PSMA1: variants seen among roughly 807,000 people sequenced by gnomAD.
PSMA1 encodes the protein proteasome 20S subunit alpha 1.
A neutral mutation model predicts 38.4 loss-of-function variants in PSMA1; 3 were observed. The observed-to-expected ratio is 0.08, with a 90% confidence interval of 0.04 to 0.20. The LOEUF (loss-of-function observed/expected upper bound fraction) is 0.20, where lower values mean the gene tolerates loss of function less well. Ranked by LOEUF, PSMA1 falls within the 10% of genes least tolerant of loss-of-function variation. The probability of loss-of-function intolerance (pLI) is 1.00; values close to 1 mark genes in which losing one functional copy is unlikely to be tolerated. For synonymous variants in PSMA1, 101 were observed against 107.1 expected (o/e 0.94, Z 0.35); for missense variants, 227 against 325.3 (o/e 0.70, Z 2.32).
intron 2 of PSMA1, among the ~76,000 whole-genome samples, chr11:14,606,083 T>C (rs1199504309): frequency 6.6e-6 from 1 of 152,262 alleles, no homozygotes; most frequent in African/African-American, 2.4e-5. Context: ...CTCAGTTTCA[T>C]TGCCCTGCAT....
At chr11:14,514,311 T>C (rs780674156) in intron 5 of PSMA1, 92 bp downstream of exon 5, 1 of 1,433,442 alleles carries the variant, frequency 7.0e-7, no homozygotes, top group Admixed American at 3.1e-5. Context: ...CAATCTTACC[T>C]ATGTCATATT....
At chr11:14,597,815 T>G (rs1429802643) in intron 2 of PSMA1, among the ~76,000 whole-genome samples, 9 of 152,286 alleles carry the variant, frequency 5.9e-5, no homozygotes, top group Non-Finnish European at 4.4e-5. Context: ...TGCTCTTGCT[T>G]CTCTAGTTCT....
intron 2 of PSMA1, among the ~76,000 whole-genome samples, chr11:14,599,361 A>C (rs909928844): frequency 3.3e-5 from 5 of 152,200 alleles, no homozygotes; most frequent in African/African-American, 7.2e-5. Context: ...TCTCCCCGTC[A>C]CTTTCAAGTA....
At chr11:14,586,212 A>G (rs1028430689) in intron 2 of PSMA1, among the ~76,000 whole-genome samples, 1 of 152,128 alleles carries the variant, frequency 6.6e-6, no homozygotes. Context: ...CTGGAGGACT[A>G]CTTGAGGCCA....
At chr11:14,511,471 A>G (rs747900671) in intron 7 of PSMA1, among the ~76,000 whole-genome samples, 6 of 152,096 alleles carry the variant, frequency 3.9e-5, no homozygotes, top group Non-Finnish European at 8.8e-5. Flanking sequence ...ACCATATACA[A>G]GTGAGATTTA....
chr11:14,540,392 G>A (rs1435176085), intron 2 of PSMA1, among the ~76,000 whole-genome samples: 2 of 152,120 alleles, frequency 1.3e-5, no homozygotes, highest in African/African-American at 2.4e-5. Flanking sequence ...GAAACATTAC[G>A]TCCTCAGGAG....
chr11:14,510,113 C>A (rs1304446671), intron 8 of PSMA1, among the ~76,000 whole-genome samples: 1 of 152,174 alleles, frequency 6.6e-6, no homozygotes, highest in Non-Finnish European at 1.5e-5. Context: ...TAACAGCCCA[C>A]CCAGAGTAAA....
intron 2 of PSMA1, among the ~76,000 whole-genome samples, chr11:14,583,108 G>T (rs1565050367): frequency 6.6e-6 from 1 of 152,192 alleles, no homozygotes; most frequent in Non-Finnish European, 1.5e-5. Flanking sequence ...GGCCCCAGGA[G>T]CCAAAAGCTG....
rs370977739 is a variant in PSMA1 at position 14,510,918 on chromosome 11, C to T, written c.578G>A (p.Arg193His). 20 of 1,607,346 alleles carry T rather than the reference C, an allele frequency of 1.2e-5. No homozygotes were observed. Among genetic ancestry groups the T allele is most frequent in the Non-Finnish European group, 1.4e-5 (17 of 1,176,520 alleles). ...NLNELVKHGL[R>H]ALRETLPAEQ... is the part of the protein sequence containing the mutation. The stretch of plus-strand genomic sequence containing the variant: ...TGCAGGAAGCGTCTCTCTTAAGGCA[C>T]GCAGACCATGTTTAACTAGTTCATT... The change falls in exon 8 of 10, where the codon CGT becomes CAT. Residue 193 changes from arginine to histidine, a missense_variant. Transcript: ENST00000396394.
intron 8 of PSMA1, among the ~76,000 whole-genome samples, chr11:14,509,488 C>T (rs933392291): frequency 6.6e-6 from 1 of 151,570 alleles, no homozygotes; most frequent in African/African-American, 2.4e-5. Context: ...TCTACCCCTA[C>T]AATCTGTTTT....
chr11:14,594,372 C>T (rs757253754), intron 2 of PSMA1, among the ~76,000 whole-genome samples: 9 of 152,122 alleles, frequency 5.9e-5, no homozygotes, highest in Non-Finnish European at 8.8e-5. Context: ...ATCTACATCT[C>T]TGCAGTAAAA....
At chr11:14,642,092 CA>C (rs1853212437) in intron 1 of PSMA1, among the ~76,000 whole-genome samples, 1 of 151,202 alleles carries the variant, frequency 6.6e-6, no homozygotes, top group African/African-American at 2.5e-5. Flanking sequence ...ATTAAATGCC[CA>C]CACACATACA....
At chr11:14,520,468 C>G, upstream of PSMA1, 16 of 1,511,532 alleles carry the variant, frequency 1.1e-5, no homozygotes, top group Non-Finnish European at 1.3e-5. Context: ...ACACTTCCCC[C>G]TCCTTAAAAC....
chr11:14,587,722 A>C (rs1852365795), intron 2 of PSMA1, among the ~76,000 whole-genome samples: 1 of 152,044 alleles, frequency 6.6e-6, no homozygotes, highest in African/African-American at 2.4e-5. Context: ...AAGTTACTTA[A>C]TTTCATTCTT....
At chr11:14,632,600 T>C (rs1418985925) in intron 1 of PSMA1, among the ~76,000 whole-genome samples, 1 of 151,534 alleles carries the variant, frequency 6.6e-6, no homozygotes, top group East Asian at 1.9e-4. Flanking sequence ...GCCCTTAACA[T>C]TTTTTCCTTC....
chr11:14,536,607 A>AT (rs1565039452), intron 2 of PSMA1, among the ~76,000 whole-genome samples: 49 of 150,962 alleles, frequency 3.2e-4, no homozygotes, highest in African/African-American at 1.2e-3. Context: ...CATTTAAAAA[A>AT]ATTTTTTTTT....
chr11:14,513,761 A>C, intron 6 of PSMA1, 56 bp downstream of exon 6: 1 of 1,541,798 alleles, frequency 6.5e-7, no homozygotes, highest in Non-Finnish European at 8.7e-7. Flanking sequence ...AAATTATAAA[A>C]ATTTCTAGTT....
chr11:14,538,272 G>A lies in PSMA1; in HGVS notation c.22-19231C>T, dbSNP rs533916733. ...GCCAAAAAGAATACGTGTAGTGGAT[G>A]TTTGTTTTATATAAAATTCAAATAT... On this transcript the variant is annotated intron_variant, in intron 2 of 10. Transcript: ENST00000418988. Among the ~76,000 whole-genome samples, 189 of 152,254 alleles carry A rather than the reference G, an allele frequency of 1.2e-3. 1 individual carries two copies. The highest frequency in any genetic ancestry group is 4.4e-3 in the African/African-American group (181 of 41,532).
intron 2 of PSMA1, among the ~76,000 whole-genome samples, chr11:14,543,527 GTTTC>G (rs939222442): frequency 6.6e-6 from 1 of 151,086 alleles, no homozygotes. Context: ...ACTTGATTTG[GTTTC>G]TTTTTTTTTT....
Sources: gnomAD v4.1 joint callset for allele counts (sites outside exome capture counted in the v4.1 genomes callset) on GRCh38, gnomAD v4.1.1 for gene constraint, MANE v1.5 for transcripts, NCBI Gene and HGNC (gene_info 2026-07-23, HGNC 2026-07-21) for gene names.